The following TOX variants were observed in gnomAD, a reference collection of about 807,000 sequenced individuals.
TOX encodes thymocyte selection associated high mobility group box.
A neutral mutation model predicts 53.7 loss-of-function variants in TOX; 11 were observed. The ratio of observed to expected loss-of-function variants is 0.20; its 90% CI spans 0.13 to 0.34. The LOEUF is 0.34. TOX is among the 10% of genes least tolerant of loss of function. TOX has a pLI of 1.00. For synonymous variants in TOX, 225 were observed against 245.3 expected (o/e 0.92, Z 0.77); for missense variants, 570 against 664.6 (o/e 0.86, Z 1.56).
In TOX at chr8:58,954,585, GC is replaced by G. The variant is rs1812680695; in HGVS notation, c.168+5357del. On this transcript the variant is annotated intron_variant, in intron 2 of 8. Coordinates refer to ENST00000361421, the MANE Select transcript of TOX (RefSeq NM_014729.3). ...GACAAATACACACCATGATAAAGCA[GC>G]CTTGTAGACAATGGTGAGGCAGCAA... Among the ~76,000 whole-genome samples, 3 of 152,152 alleles carry G rather than the reference GC, an allele frequency of 2.0e-5. No homozygotes were observed. The South Asian group carries it at 6.2e-4, about 32-fold the overall frequency.
chr8:59,103,119 C>G (rs1804834017), intron 1 of TOX, among the ~76,000 whole-genome samples: 1 of 152,152 alleles, frequency 6.6e-6, no homozygotes, highest in Non-Finnish European at 1.5e-5. Flanking sequence ...CATTTTCTCC[C>G]TACAAAGCAT....
chr8:59,054,427 A>G (rs536536285), intron 1 of TOX, among the ~76,000 whole-genome samples: 1 of 152,340 alleles, frequency 6.6e-6, no homozygotes, highest in African/African-American at 2.4e-5. Flanking sequence ...TTATCTTGCC[A>G]ATCTATCCTT....
intron 3 of TOX, among the ~76,000 whole-genome samples, chr8:58,902,870 CA>C (rs745838374): frequency 8.5e-5 from 13 of 152,144 alleles, no homozygotes; most frequent in Non-Finnish European, 1.3e-4. Flanking sequence ...GAATTCTACT[CA>C]GTATCTACTT....
intron 2 of TOX, among the ~76,000 whole-genome samples, chr8:58,951,863 G>A (rs988848497): frequency 6.6e-6 from 1 of 152,154 alleles, no homozygotes; most frequent in Non-Finnish European, 1.5e-5. Context: ...AAAGGATGTA[G>A]GGAGAACATT....
rs1810019607 is a variant in TOX, at chr8:58,808,165, A to ATT, written c.1495_1496dup (p.Asn499LysfsTer39). 6.2e-7 allele frequency: 1 copy of ATT among 1,613,918 alleles called. No homozygotes were observed. Among genetic ancestry groups the ATT allele is most frequent in the African/African-American group, 1.3e-5 (1 of 74,910 alleles). Reference sequence around the variant, plus strand: ...TCCAGTCCACCGGTTGTGGGGGAGGATTTCTGCACCCCGAACGCACATACT... The same window carrying ATT: ...TCCAGTCCACCGGTTGTGGGGGAGGATTTTTCTGCACCCCGAACGCACATACT... On this transcript the variant is annotated frameshift_variant, in exon 8 of 9. Coordinates refer to ENST00000361421, the MANE Select transcript of TOX (RefSeq NM_014729.3). LOFTEE classifies it high-confidence loss of function.
chr8:58,921,600 C>T (rs1372873701), intron 3 of TOX, among the ~76,000 whole-genome samples: 1 of 152,142 alleles, frequency 6.6e-6, no homozygotes, highest in Non-Finnish European at 1.5e-5. Context: ...CATTCTTTCC[C>T]TAACTAGATT....
At chr8:59,027,616 A>C (rs765330123) in intron 1 of TOX, among the ~76,000 whole-genome samples, 2 of 152,088 alleles carry the variant, frequency 1.3e-5, no homozygotes, top group Non-Finnish European at 2.9e-5. Flanking sequence ...GTTTCCTCTC[A>C]TCATTAAGCC....
intron 4 of TOX, among the ~76,000 whole-genome samples, chr8:58,848,793 A>T (rs1810761793): frequency 6.6e-6 from 1 of 152,106 alleles, no homozygotes; most frequent in Non-Finnish European, 1.5e-5. Flanking sequence ...ATGTATTTAC[A>T]ATATTCCTGT....
chr8:59,010,992 A>G (rs1003223357), intron 1 of TOX, among the ~76,000 whole-genome samples: 1 of 152,224 alleles, frequency 6.6e-6, no homozygotes, highest in Non-Finnish European at 1.5e-5. Context: ...GCTTTGGGAA[A>G]TGAAATAAAG....
intron 3 of TOX, among the ~76,000 whole-genome samples, chr8:58,892,416 T>C (rs1211684997): frequency 6.6e-6 from 1 of 152,150 alleles, no homozygotes; most frequent in Non-Finnish European, 1.5e-5. Flanking sequence ...TTCCAGTGGG[T>C]ACTGTAACAG....
rs573037761 is a variant in TOX at position 58,827,063 on chromosome 8, T to A, written c.925-161A>T. 3.9e-5 allele frequency among the ~76,000 whole-genome samples: 6 copies of A among 152,210 alleles called. No homozygotes were observed. The East Asian group carries it at 9.6e-4, about 24-fold the overall frequency. ...ATTGTGTTTTCTTACTGAAACAGAT[T>A]TTTAAGAAGTATGGCAATAGACTAG... On this transcript the variant is annotated intron_variant, in intron 5 of 8. Transcript: ENST00000361421.
intron 1 of TOX, among the ~76,000 whole-genome samples, chr8:59,023,079 A>G (rs1814165738): frequency 1.3e-5 from 2 of 152,180 alleles, no homozygotes; most frequent in Non-Finnish European, 2.9e-5. Context: ...CCACTCTGCA[A>G]TTTTTGAAGT....
intron 3 of TOX, among the ~76,000 whole-genome samples, chr8:58,892,755 A>C (rs989217136): frequency 3.9e-5 from 6 of 152,154 alleles, no homozygotes; most frequent in African/African-American, 1.4e-4. Flanking sequence ...TCTATTGGGA[A>C]TCAGCACCTC....
rs200624926 is a variant in TOX, at chr8:58,877,856, A to AT, written c.412-26052dup. On this transcript the variant is annotated intron_variant, in intron 3 of 8. Transcript: ENST00000361421. Reference sequence around the variant, plus strand: ...ATGAATATTTGGAGAAAGCCTACATATTAAAAAAAAAAAAAGCCTCAGGAA... The same window carrying AT: ...ATGAATATTTGGAGAAAGCCTACATATTTAAAAAAAAAAAAAGCCTCAGGAA... Among the ~76,000 whole-genome samples, 563 of 135,522 alleles carry AT rather than the reference A, an allele frequency of 4.2e-3. 3 individuals are homozygous for AT. Among genetic ancestry groups the AT allele is most frequent in the Non-Finnish European group, 5.7e-3 (374 of 65,148 alleles). 88.9% of individuals were successfully genotyped at this position (135,522 alleles called of 152,430 possible). A position where few individuals can be genotyped will look rare whatever the true frequency, so the allele number is the denominator to read the frequency against.
chr8:58,867,803 TG>T (rs1811129119), intron 3 of TOX, among the ~76,000 whole-genome samples: 1 of 152,200 alleles, frequency 6.6e-6, no homozygotes, highest in Admixed American at 6.5e-5. Flanking sequence ...TTCTGAGGGC[TG>T]GCTTTTTTGC....
At chr8:58,838,697 G>GTTTTTTTTTTTTTTTTTT (rs1810590539) in intron 4 of TOX, among the ~76,000 whole-genome samples, 7 of 76,668 alleles carry the variant, frequency 9.1e-5, no homozygotes, top group African/African-American at 1.6e-4. Flanking sequence ...AGTTATCCTT[G>GTTTTTTTTTTTTTTTTTT]TCTTTTTTTT....
intron 2 of TOX, among the ~76,000 whole-genome samples, chr8:58,951,066 CA>C (rs1193700620): frequency 6.6e-6 from 1 of 152,194 alleles, no homozygotes; most frequent in Non-Finnish European, 1.5e-5. Context: ...GCCGTTATCT[CA>C]ATACTCTAGA....
At chr8:59,023,261 T>G (rs1162246741) in intron 1 of TOX, among the ~76,000 whole-genome samples, 1 of 152,172 alleles carries the variant, frequency 6.6e-6, no homozygotes, top group African/African-American at 2.4e-5. Flanking sequence ...ATGTCCAACC[T>G]GTGCCTGTTA....
At position 58,944,381 on chromosome 8, in the gene TOX, T is replaced by C. The variant is rs577354195; in HGVS notation, c.169-4837A>G. Among the ~76,000 whole-genome samples, 4 of 152,362 alleles carry C rather than the reference T, an allele frequency of 2.6e-5. No homozygotes were observed. In the South Asian group the frequency reaches 8.3e-4, roughly 32 times the overall value. ...CAAGAGTATTTCTATGGTTCTATAA[T>C]AGAGAGTCAATTACTATTTCAAGTC... On this transcript the variant is annotated intron_variant, in intron 2 of 8. Transcript: ENST00000361421.
Sources: allele counts gnomAD v4.1 joint callset (sites outside exome capture counted in the v4.1 genomes callset), GRCh38; gene constraint gnomAD v4.1.1; transcripts MANE v1.5; gene names NCBI Gene and HGNC (gene_info 2026-07-23, HGNC 2026-07-21).